Variants in RSPO3 observed in about 807,000 individuals in gnomAD.
RSPO3 encodes R-spondin 3, also known as R-spondin-3.
RSPO3 carries 17 observed loss-of-function variants against 36.5 expected under a neutral mutation model. That is an observed-to-expected ratio of 0.47 (90% confidence interval 0.32 to 0.70). The LOEUF is 0.70. Ranked by LOEUF, RSPO3 falls within the 30% of genes least tolerant of loss-of-function variation. The pLI is 0.04. For synonymous variants in RSPO3, 108 were observed against 107.0 expected, an observed-to-expected ratio of 1.01 and a Z score of -0.06; for missense variants, 294 against 322.5, an observed-to-expected ratio of 0.91 and a Z score of 0.68.
intron 3 of RSPO3, among the ~76,000 whole-genome samples, chr6:127,154,636 G>C (rs1774557670): frequency 6.6e-6 from 1 of 152,148 alleles, no homozygotes. Context: ...GTAGGCCAAA[G>C]ACCTGGATTC....
rs999957970 is a variant in RSPO3, at chr6:127,163,113, G to A, written c.634+7675G>A. On this transcript the variant is annotated intron_variant, in intron 4 of 4. Transcript: ENST00000356698. ...GGAGGGTTCCCTAGAGAGAGACTCC[G>A]AGAGCATCAGCATAAATTTAAATTC... 3.3e-5 allele frequency among the ~76,000 whole-genome samples: 5 copies of A among 151,996 alleles called. No individual in the cohort carries two copies. In the East Asian group the frequency reaches 5.8e-4, roughly 18 times the overall value.
At chr6:127,139,324 C>A (rs1774222543) in intron 1 of RSPO3, among the ~76,000 whole-genome samples, 1 of 152,162 alleles carries the variant, frequency 6.6e-6, no homozygotes. Flanking sequence ...AAGACCTCAG[C>A]CATCAGATAT....
chr6:127,120,479 G>A (rs1446111976), intron 1 of RSPO3, among the ~76,000 whole-genome samples: 1 of 152,214 alleles, frequency 6.6e-6, no homozygotes, highest in Admixed American at 6.5e-5. Context: ...CAGGCCCAGC[G>A]GCCCCACCTG....
At chr6:127,183,972 G>T (rs1341963352) in intron 4 of RSPO3, among the ~76,000 whole-genome samples, 2 of 151,956 alleles carry the variant, frequency 1.3e-5, no homozygotes, top group African/African-American at 2.4e-5. Context: ...TCATATGGCG[G>T]AAGGAAGAGA....
chr6:127,126,614 A>T (rs1329822126), intron 1 of RSPO3, among the ~76,000 whole-genome samples: 3 of 152,138 alleles, frequency 2.0e-5, no homozygotes, highest in Non-Finnish European at 2.9e-5. Flanking sequence ...CTGAAAAACT[A>T]TGATAATGAA....
intron 1 of RSPO3, among the ~76,000 whole-genome samples, chr6:127,129,109 T>C (rs994495): frequency 2.0e-5 from 3 of 152,122 alleles, no homozygotes; most frequent in Non-Finnish European, 4.4e-5. Context: ...TTTTCTTTTA[T>C]AGTTTCTACA....
chr6:127,167,282 C>A (rs1219537155), intron 4 of RSPO3, among the ~76,000 whole-genome samples: 1 of 151,922 alleles, frequency 6.6e-6, no homozygotes, highest in African/African-American at 2.4e-5. Flanking sequence ...TCTCCCTTCC[C>A]CTGGCCCCAA....
intron 3 of RSPO3, among the ~76,000 whole-genome samples, chr6:127,153,437 A>T (rs1174171230): frequency 6.6e-6 from 1 of 151,680 alleles, no homozygotes; most frequent in Non-Finnish European, 1.5e-5. Context: ...ACCTCATTTC[A>T]TGGTGTTTTA....
chr6:127,126,721 T>C (rs1309265146), intron 1 of RSPO3, among the ~76,000 whole-genome samples: 1 of 152,128 alleles, frequency 6.6e-6, no homozygotes, highest in Non-Finnish European at 1.5e-5. Flanking sequence ...TAAGTAGATT[T>C]CTCTACAAAG....
intron 1 of RSPO3, among the ~76,000 whole-genome samples, chr6:127,146,667 A>T (rs1774390017): frequency 6.6e-6 from 1 of 152,044 alleles, no homozygotes; most frequent in Non-Finnish European, 1.5e-5. Context: ...AGAGATAGGG[A>T]TGGATTGGCA....
chr6:127,198,474 A>G lies in RSPO3; in HGVS notation c.*2467A>G, dbSNP rs1188956665. Among the ~76,000 whole-genome samples the G allele has an allele frequency of 1.3e-5, 2 of 152,186 alleles. No individual in the cohort carries two copies. The highest frequency in any genetic ancestry group is 4.8e-5 in the African/African-American group (2 of 41,438). On this transcript the variant is annotated 3_prime_UTR_variant, in exon 5 of 5. Transcript: ENST00000356698. ...CTGGTAAAGTTCCTACACTAGTCAC[A>G]GAAGGTGTTAACTTTCTACTCTGAT...
chr6:127,183,487 G>A lies in RSPO3; in HGVS notation c.635-12336G>A, dbSNP rs117365254. Among the ~76,000 whole-genome samples, 54 of 152,060 alleles carry A rather than the reference G, an allele frequency of 3.6e-4. 1 individual carries two copies. In the East Asian group the frequency reaches 8.6e-3, roughly 24 times the overall value. On this transcript the variant is annotated intron_variant, in intron 4 of 4. Coordinates refer to ENST00000356698, the MANE Select transcript of RSPO3 (RefSeq NM_032784.5). ...TTGTTTGGGACACTGGGTAATCACA[G>A]CATGCCCGCATATGAGAGAGTAACA... is the stretch of plus-strand genomic sequence containing the variant.
chr6:127,191,563 C>T (rs1775410290), intron 4 of RSPO3, among the ~76,000 whole-genome samples: 1 of 152,160 alleles, frequency 6.6e-6, no homozygotes, highest in Non-Finnish European at 1.5e-5. Context: ...TAACAATTAT[C>T]AATTCAATTA....
chr6:127,135,205 AG>A (rs1345612397), intron 1 of RSPO3, among the ~76,000 whole-genome samples: 5 of 151,750 alleles, frequency 3.3e-5, no homozygotes, highest in African/African-American at 1.2e-4. Flanking sequence ...GCAGATTACG[AG>A]GTCAAGAGAT....
At chr6:127,136,375 A>C (rs1774156794) in intron 1 of RSPO3, among the ~76,000 whole-genome samples, 1 of 152,218 alleles carries the variant, frequency 6.6e-6, no homozygotes, top group Non-Finnish European at 1.5e-5. Flanking sequence ...CAATTTTAAA[A>C]AACAAACCAA....
chr6:127,163,648 A>G (rs1017125181), intron 4 of RSPO3, among the ~76,000 whole-genome samples: 7 of 152,050 alleles, frequency 4.6e-5, no homozygotes, highest in African/African-American at 1.4e-4. Flanking sequence ...TCAGGTCCCA[A>G]ATTAGAAATA....
intron 4 of RSPO3, among the ~76,000 whole-genome samples, chr6:127,170,434 T>TACATACACAC (rs1554221939): frequency 6.7e-6 from 1 of 148,892 alleles, no homozygotes; most frequent in Non-Finnish European, 1.5e-5. Context: ...GTTCCACACA[T>TACATACACAC]ACACACACAC....
At chr6:127,189,449 G>T (rs1183459765) in intron 4 of RSPO3, among the ~76,000 whole-genome samples, 3 of 152,044 alleles carry the variant, frequency 2.0e-5, no homozygotes, top group East Asian at 3.9e-4. Flanking sequence ...GTAAGCAGGG[G>T]TCATATCACA....
At chr6:127,165,897 T>C (rs1317976788) in intron 4 of RSPO3, among the ~76,000 whole-genome samples, 1 of 151,996 alleles carries the variant, frequency 6.6e-6, no homozygotes, top group African/African-American at 2.4e-5. Context: ...ATGATGTGCA[T>C]GCTCTTGTAA....
Sources: gnomAD v4.1 joint callset for allele counts (sites outside exome capture counted in the v4.1 genomes callset) on GRCh38, gnomAD v4.1.1 for gene constraint, MANE v1.5 for transcripts, NCBI Gene and HGNC (gene_info 2026-07-23, HGNC 2026-07-21) for gene names.